SYNRG: variants seen among roughly 807,000 people sequenced by gnomAD.
SYNRG encodes synergin gamma.
In SYNRG, 37 loss-of-function variants were observed where a neutral mutation model predicts 130.9. That is an observed-to-expected ratio of 0.28 (90% CI 0.22 to 0.37). SYNRG has a LOEUF of 0.37. Ranked by LOEUF, SYNRG falls within the 10% of genes least tolerant of loss-of-function variation. SYNRG has a pLI of 1.00. For synonymous variants in SYNRG, 539 were observed against 568.1 expected (o/e 0.95, Z 0.73); for missense variants, 1,338 against 1,588.9 (o/e 0.84, Z 2.68).
Position 37,542,113 on chromosome 17 carries a change from A to C in SYNRG, c.3061T>G (p.Ser1021Ala). The change falls in exon 15 of 22, where the codon TCG becomes GCG. Residue 1021 changes from serine to alanine, a missense_variant. Around this residue, in one of 3 missense-constraint regions of SYNRG, gnomAD observed 1,146 missense variants for 1,342.3 expected, o/e 0.85. Coordinates refer to ENST00000612223, the MANE Select transcript of SYNRG (RefSeq NM_007247.6). ...CTTTGAAACTCTCCAAAGTCATCCG[A>C]ACATTCGTTCGGGGTTTCTTGAGAG... ...GASQETPNEC[S>A]DDFGEFQSEK... 6.2e-7 allele frequency: 1 copy of C among 1,614,208 alleles called. No homozygotes were observed. The highest frequency in any genetic ancestry group is 8.5e-7 in the Non-Finnish European group (1 of 1,180,040).
chr17:37,552,153 C>T (rs781450066), intron 14 of SYNRG, among the ~76,000 whole-genome samples: 7 of 152,186 alleles, frequency 4.6e-5, no homozygotes, highest in Admixed American at 3.3e-4. Flanking sequence ...AAGTGTCTCA[C>T]GTGTCCCCCC....
intron 15 of SYNRG, 69 bp from the exon 16 acceptor site, chr17:37,540,612 C>G: frequency 7.5e-7 from 1 of 1,325,844 alleles, no homozygotes; most frequent in Non-Finnish European, 1.0e-6. Flanking sequence ...GGCTCTTCCT[C>G]GCTACCACAA....
At chr17:37,545,774 G>C (rs189732335) in intron 14 of SYNRG, among the ~76,000 whole-genome samples, 4 of 152,286 alleles carry the variant, frequency 2.6e-5, no homozygotes. Flanking sequence ...AAATATACAA[G>C]AGTCACTAAA....
chr17:37,558,741 A>C (rs1408463905), intron 13 of SYNRG, among the ~76,000 whole-genome samples: 1 of 152,226 alleles, frequency 6.6e-6, no homozygotes. Context: ...ATTAGTGCGC[A>C]GATGATTGAA....
chr17:37,561,692 A>ATGGC (rs1409533412), intron 11 of SYNRG, 103 bp from the exon 12 acceptor site: 1 of 768,788 alleles, frequency 1.3e-6, no homozygotes, highest in African/African-American at 1.8e-5. Flanking sequence ...ATTAAAACTC[A>ATGGC]TGGCTCTCTG....
intron 17 of SYNRG, among the ~76,000 whole-genome samples, chr17:37,538,867 A>G (rs1192179203): frequency 6.6e-6 from 1 of 152,256 alleles, no homozygotes; most frequent in Non-Finnish European, 1.5e-5. Flanking sequence ...TGCTGGGATT[A>G]TAGGTGTTGA....
rs1162171613 is a variant in SYNRG, at chr17:37,516,297, A to AG, written c.*2642dup. The AG allele has an allele frequency of 6.6e-6, 1 of 152,214 alleles. No homozygotes were observed. The highest frequency in any genetic ancestry group is 2.4e-5 in the African/African-American group (1 of 41,444). 9.4% of individuals were successfully genotyped at this position (152,214 alleles called of 1,614,324 possible). On this transcript the variant is annotated 3_prime_UTR_variant, in exon 22 of 22. Coordinates refer to ENST00000612223, the MANE Select transcript of SYNRG (RefSeq NM_007247.6). The stretch of plus-strand genomic sequence containing the variant: ...TTAATAAACGTTTATAAAGAAAAGC[A>AG]GCGCAACCGTGTCCCACACTCCTTG...
At chr17:37,566,660 A>G (rs1018061718) in intron 11 of SYNRG, among the ~76,000 whole-genome samples, 2 of 151,988 alleles carry the variant, frequency 1.3e-5, no homozygotes, top group African/African-American at 4.8e-5. Flanking sequence ...AAAAAGTATC[A>G]TATACGAAAG....
At position 37,533,419 on chromosome 17, in the gene SYNRG, A is replaced by C. The variant is rs1338058205; in HGVS notation, c.3666+2560T>G. ...CTGTCTGGGGAAAAAAAAAAACAAA[A>C]CAGTCTGGTAGAGGTGTGCAGAATA... is the stretch of plus-strand genomic sequence containing the variant. On this transcript the variant is annotated intron_variant, in intron 19 of 21. Coordinates refer to ENST00000612223, the MANE Select transcript of SYNRG (RefSeq NM_007247.6). Among the ~76,000 whole-genome samples the C allele has an allele frequency of 4.6e-5, 7 of 151,656 alleles. No individual in the cohort carries two copies. The East Asian group carries it at 1.2e-3, about 25-fold the overall frequency.
chr17:37,521,045 T>G (rs989018028), intron 19 of SYNRG, among the ~76,000 whole-genome samples: 7 of 150,764 alleles, frequency 4.6e-5, no homozygotes, highest in African/African-American at 1.5e-4. Context: ...TTTTTTTTTT[T>G]TTTTGGAGAC....
chr17:37,585,478 C>G, intron 4 of SYNRG, 48 bp from the exon 5 acceptor site: 1 of 1,301,900 alleles, frequency 7.7e-7, no homozygotes, highest in Middle Eastern at 1.9e-4. Context: ...GGATTATACA[C>G]TGTGTTTTAT....
chr17:37,595,899 C>A (rs1394922725), intron 3 of SYNRG, among the ~76,000 whole-genome samples: 1 of 152,016 alleles, frequency 6.6e-6, no homozygotes, highest in African/African-American at 2.4e-5. Context: ...GGACTACAGG[C>A]ACATGCCACC....
In SYNRG at chr17:37,584,698, G is replaced by C; in HGVS notation, c.539C>G (p.Ser180Cys). ...AGTAGGGTGCATTTTTGCATCTCTG[G>C]AAAACCCATCTAAATTTCCTTTTAT... ...EAIKGNLDGFSRDAKMHPTPA... is the reference protein window; with the variant it reads ...EAIKGNLDGFCRDAKMHPTPA... Residue 180 changes from serine to cysteine, a missense_variant, in exon 6 of 22, where the codon TCC becomes TGC. By Grantham distance (112) the Ser-to-Cys change is moderately radical. Coordinates refer to ENST00000612223, the MANE Select transcript of SYNRG (RefSeq NM_007247.6). The C allele has an allele frequency of 6.2e-7, 1 of 1,613,750 alleles. No homozygotes were observed. Among genetic ancestry groups the C allele is most frequent in the Non-Finnish European group, 8.5e-7 (1 of 1,179,774 alleles).
chr17:37,551,786 TA>T (rs200233566), intron 14 of SYNRG, among the ~76,000 whole-genome samples: 88 of 76,074 alleles, frequency 1.2e-3, no homozygotes, highest in African/African-American at 2.2e-3. Context: ...AAGCAGCTCA[TA>T]AAAAAAAAAA....
intron 19 of SYNRG, among the ~76,000 whole-genome samples, chr17:37,531,685 G>A (rs2056647526): frequency 6.6e-6 from 1 of 151,986 alleles, no homozygotes; most frequent in South Asian, 2.1e-4. Flanking sequence ...AGGCTGAGGT[G>A]GGAGAATTGC....
chr17:37,608,750 T>C (rs2064051130), intron 1 of SYNRG, among the ~76,000 whole-genome samples: 1 of 152,244 alleles, frequency 6.6e-6, no homozygotes, highest in African/African-American at 2.4e-5. Context: ...TAGATGTTCC[T>C]GCTGTTTGTC....
chr17:37,599,643 C>T (rs1195176560), intron 2 of SYNRG, among the ~76,000 whole-genome samples: 1 of 152,088 alleles, frequency 6.6e-6, no homozygotes, highest in Non-Finnish European at 1.5e-5. Flanking sequence ...AATGCTTGAG[C>T]CTAGGTGGCT....
At position 37,516,996 on chromosome 17, in the gene SYNRG, G is replaced by A. The variant is rs1268583744; in HGVS notation, c.*1944C>T. ...GTACTTTGGGAGGCTGAGGCGGGCGGATCGCCTGAGGTCCGGAGTTCAAGC... is the reference window on the plus strand; with the variant it reads ...GTACTTTGGGAGGCTGAGGCGGGCGAATCGCCTGAGGTCCGGAGTTCAAGC... On this transcript the variant is annotated 3_prime_UTR_variant, in exon 22 of 22. Transcript: ENST00000612223. 1 of 152,216 alleles carries A rather than the reference G, an allele frequency of 6.6e-6. No homozygotes were observed. The highest frequency in any genetic ancestry group is 1.5e-5 in the Non-Finnish European group (1 of 68,086). 9.4% of individuals were successfully genotyped at this position (152,216 alleles called of 1,614,324 possible). A position where few individuals can be genotyped will look rare whatever the true frequency, so the allele number is the denominator to read the frequency against.
At chr17:37,552,159 C>T (rs1311137761) in intron 14 of SYNRG, among the ~76,000 whole-genome samples, 1 of 152,072 alleles carries the variant, frequency 6.6e-6, no homozygotes, top group African/African-American at 2.4e-5. Context: ...CTCACGTGTC[C>T]CCCCTAGTTA....
Sources: allele counts gnomAD v4.1 joint callset (sites outside exome capture counted in the v4.1 genomes callset), GRCh38; gene constraint gnomAD v4.1.1; regional missense constraint gnomAD v4.1.1; transcripts MANE v1.5; gene names NCBI Gene and HGNC (gene_info 2026-07-23, HGNC 2026-07-21).